The following CDK14 variants were observed in gnomAD, a reference collection of about 807,000 sequenced individuals.
CDK14 encodes cyclin-dependent kinase 14.
Under a neutral mutation model 60.7 loss-of-function variants are expected in CDK14, and 34 were observed. That is an observed-to-expected ratio of 0.56 (90% CI 0.43 to 0.75). CDK14 has a LOEUF of 0.75. CDK14 is among the 30% of genes least tolerant of loss of function. The pLI, the probability that CDK14 is intolerant of heterozygous loss-of-function variation, is 0.00. For synonymous variants in CDK14, 197 were observed against 203.7 expected (o/e 0.97, Z 0.28); for missense variants, 482 against 564.1 (o/e 0.85, Z 1.47).
At chr7:91,075,317 T>C (rs1391088330) in intron 11 of CDK14, among the ~76,000 whole-genome samples, 5 of 152,022 alleles carry the variant, frequency 3.3e-5, no homozygotes, top group African/African-American at 9.7e-5. Flanking sequence ...CTTCAACATA[T>C]GCAAATCAAT....
At chr7:91,104,972 CTAAT>C (rs1295718282) in intron 12 of CDK14, among the ~76,000 whole-genome samples, 3 of 152,050 alleles carry the variant, frequency 2.0e-5, no homozygotes, top group African/African-American at 7.3e-5. Flanking sequence ...TTTATAGTAA[CTAAT>C]TAGATTACAG....
intron 6 of CDK14, among the ~76,000 whole-genome samples, chr7:90,874,458 T>G (rs955093451): frequency 1.3e-5 from 2 of 150,426 alleles, no homozygotes; most frequent in Non-Finnish European, 3.0e-5. Context: ...AGCTTTATGC[T>G]CATTGGGTGT....
intron 11 of CDK14, among the ~76,000 whole-genome samples, chr7:91,052,529 A>T (rs1471359829): frequency 6.6e-6 from 1 of 152,220 alleles, no homozygotes; most frequent in Non-Finnish European, 1.5e-5. Flanking sequence ...TTTAGCACTG[A>T]AATAATGTGT....
chr7:91,198,788 C>T (rs932373319), intron 14 of CDK14, among the ~76,000 whole-genome samples: 1 of 152,060 alleles, frequency 6.6e-6, no homozygotes, highest in Non-Finnish European at 1.5e-5. Flanking sequence ...AATTCGAAAC[C>T]CTAAGCATGA....
intron 10 of CDK14, among the ~76,000 whole-genome samples, chr7:90,985,260 A>G (rs1007339110): frequency 3.9e-5 from 6 of 152,124 alleles, no homozygotes; most frequent in Admixed American, 3.9e-4. Flanking sequence ...CTTCTCTGTC[A>G]TGTTTTAGCC....
At chr7:90,749,730 T>C (rs1184377453) in intron 4 of CDK14, among the ~76,000 whole-genome samples, 2 of 152,018 alleles carry the variant, frequency 1.3e-5, no homozygotes, top group African/African-American at 4.8e-5. Context: ...CTGCAGAGAC[T>C]TGGGGCTAAG....
At chr7:90,653,608 A>C (rs1242653975) in intron 2 of CDK14, among the ~76,000 whole-genome samples, 1 of 152,046 alleles carries the variant, frequency 6.6e-6, no homozygotes, top group South Asian at 2.1e-4. Flanking sequence ...ATCATGCCCA[A>C]TTTGAGTGTT....
At chr7:91,201,139 T>C (rs1451882179) in intron 14 of CDK14, among the ~76,000 whole-genome samples, 1 of 152,238 alleles carries the variant, frequency 6.6e-6, no homozygotes, top group Non-Finnish European at 1.5e-5. Flanking sequence ...AGGTTGGAAG[T>C]AGTTTTATTC....
chr7:91,110,136 T>C (rs1799429763), intron 12 of CDK14, among the ~76,000 whole-genome samples: 1 of 152,044 alleles, frequency 6.6e-6, no homozygotes, highest in South Asian at 2.1e-4. Context: ...ACAACTTAGG[T>C]AGACCGAAAA....
At position 91,186,488 on chromosome 7, in the gene CDK14, C is replaced by A. The variant is rs922945586; in HGVS notation, c.*29-20677C>A. 1.3e-4 allele frequency among the ~76,000 whole-genome samples: 19 copies of A among 151,680 alleles called. No individual in the cohort carries two copies. In the East Asian group the frequency reaches 3.7e-3, roughly 30 times the overall value. ...CACCAGCAACATACAAGGATCCCAACTTCTCCCCATTATCATTGATCTTAG... is the reference window on the plus strand; with the variant it reads ...CACCAGCAACATACAAGGATCCCAAATTCTCCCCATTATCATTGATCTTAG... On this transcript the variant is annotated intron_variant, in intron 14 of 14. Transcript: ENST00000380050.
At chr7:90,930,924 T>A (rs1056302031) in intron 8 of CDK14, among the ~76,000 whole-genome samples, 1 of 152,218 alleles carries the variant, frequency 6.6e-6, no homozygotes, top group African/African-American at 2.4e-5. Flanking sequence ...TGTTGAGTCT[T>A]CAGACTTGAA....
chr7:90,814,665 G>T (rs1013089243), intron 5 of CDK14, among the ~76,000 whole-genome samples: 2 of 152,166 alleles, frequency 1.3e-5, no homozygotes, highest in East Asian at 1.9e-4. Flanking sequence ...ACCTGTAATC[G>T]CAGCTACTAG....
chr7:90,948,781 A>G (rs1794171136), intron 8 of CDK14, among the ~76,000 whole-genome samples: 2 of 152,240 alleles, frequency 1.3e-5, no homozygotes, highest in Admixed American at 1.3e-4. Context: ...AGTGAAACCA[A>G]CACTAGAAAG....
At chr7:90,630,842 A>G (rs1799978656) in intron 2 of CDK14, among the ~76,000 whole-genome samples, 1 of 150,870 alleles carries the variant, frequency 6.6e-6, no homozygotes, top group Non-Finnish European at 1.5e-5. Flanking sequence ...ACATCATTAA[A>G]TCATTTGGTG....
Position 90,726,326 on chromosome 7 carries a change from A to G in CDK14, c.124-241A>G. 3 of 982,574 alleles carry G rather than the reference A, an allele frequency of 3.1e-6. No homozygotes were observed. In the African/African-American group the frequency reaches 5.2e-5, roughly 17 times the overall value. 60.9% of individuals were successfully genotyped at this position (982,574 alleles called of 1,614,324 possible). A position where few individuals can be genotyped will look rare whatever the true frequency, so the allele number is the denominator to read the frequency against. On this transcript the variant is annotated intron_variant, in intron 2 of 14. Transcript: ENST00000380050. ...GGTACTACTAGCAGCCTGGGCCTTA[A>G]GTTTCTCATTTTAGAGGTAGATTTT...
intron 6 of CDK14, among the ~76,000 whole-genome samples, chr7:90,883,011 C>T (rs1164558233): frequency 1.3e-5 from 2 of 151,678 alleles, no homozygotes; most frequent in Admixed American, 6.6e-5. Flanking sequence ...AAATTGACAC[C>T]CTAACATCAC....
chr7:91,117,303 A>T (rs1327918706), intron 13 of CDK14, among the ~76,000 whole-genome samples: 1 of 150,672 alleles, frequency 6.6e-6, no homozygotes, highest in Non-Finnish European at 1.5e-5. Flanking sequence ...CACGCACGCC[A>T]CTCCTCACTT....
intron 14 of CDK14, among the ~76,000 whole-genome samples, chr7:91,135,270 A>G (rs1042430177): frequency 1.3e-5 from 2 of 152,170 alleles, no homozygotes; most frequent in African/African-American, 4.8e-5. Flanking sequence ...AAAAAAAAAG[A>G]TTTAAATGAG....
chr7:91,025,476 C>T (rs912370303), intron 10 of CDK14, among the ~76,000 whole-genome samples: 5 of 152,112 alleles, frequency 3.3e-5, no homozygotes, highest in African/African-American at 1.2e-4. Context: ...ACTTAAATCT[C>T]ATGAAATGAC....
Sources: gnomAD v4.1 joint callset for allele counts (sites outside exome capture counted in the v4.1 genomes callset) on GRCh38, gnomAD v4.1.1 for gene constraint, MANE v1.5 for transcripts, NCBI Gene and HGNC (gene_info 2026-07-23, HGNC 2026-07-21) for gene names.